GPD2: variants seen among roughly 807,000 people sequenced by gnomAD.
The protein encoded by GPD2 is glycerol-3-phosphate dehydrogenase, mitochondrial.
Under a neutral mutation model 82.4 loss-of-function variants are expected in GPD2, and 54 were observed. The observed-to-expected ratio is 0.66, with a 90% CI of 0.53 to 0.82. GPD2 has a LOEUF of 0.82. Among genes scored for constraint, GPD2 ranks in the 40% least tolerant of loss-of-function variants. The pLI is 0.00. For synonymous variants in GPD2, 288 were observed against 306.1 expected, an observed-to-expected ratio of 0.94 and a Z score of 0.62; for missense variants, 748 against 896.2, an observed-to-expected ratio of 0.83 and a Z score of 2.11.
At chr2:156,566,949 C>T (rs1251929292) in intron 9 of GPD2, among the ~76,000 whole-genome samples, 3 of 152,032 alleles carry the variant, frequency 2.0e-5, no homozygotes, top group Non-Finnish European at 2.9e-5. Flanking sequence ...TTTTCATTTG[C>T]ATTTCCCGAA....
At chr2:156,528,234 CAT>C (rs1445477893) in intron 6 of GPD2, among the ~76,000 whole-genome samples, 2 of 151,866 alleles carry the variant, frequency 1.3e-5, no homozygotes, top group Non-Finnish European at 2.9e-5. Context: ...CGGATTGAAA[CAT>C]GTCTATTATA....
intron 1 of GPD2, among the ~76,000 whole-genome samples, chr2:156,467,263 A>G (rs1471930036): frequency 6.6e-6 from 1 of 152,122 alleles, no homozygotes; most frequent in African/African-American, 2.4e-5. Context: ...TGGCCTTTTG[A>G]TAGGGTGTGG....
chr2:156,535,416 C>T (rs1453819440), intron 6 of GPD2, among the ~76,000 whole-genome samples: 1 of 76,670 alleles, frequency 1.3e-5, no homozygotes, highest in Admixed American at 2.2e-4. Flanking sequence ...AGAGAGAGAC[C>T]TAGGAAAGAG....
chr2:156,411,151 G>A, the GPD2 span, among the ~76,000 whole-genome samples: 218 of 152,232 alleles, frequency 1.4e-3, no homozygotes, highest in Non-Finnish European at 2.6e-3. Flanking sequence ...AAAAAACAAG[G>A]GGGTAAGTAG....
chr2:156,498,775 G>C (rs1684480196), intron 3 of GPD2, among the ~76,000 whole-genome samples: 3 of 152,056 alleles, frequency 2.0e-5, no homozygotes, highest in African/African-American at 7.2e-5. Flanking sequence ...TTGATGGTGT[G>C]GTAGGATATA....
intron 1 of GPD2, among the ~76,000 whole-genome samples, chr2:156,466,685 T>C (rs1683159700): frequency 1.3e-5 from 2 of 152,198 alleles, no homozygotes; most frequent in Admixed American, 6.5e-5. Context: ...AATGCTCGAT[T>C]AACAGTTATG....
chr2:156,522,321 A>G (rs1685439742), intron 6 of GPD2, among the ~76,000 whole-genome samples: 1 of 152,214 alleles, frequency 6.6e-6, no homozygotes, highest in Non-Finnish European at 1.5e-5. Flanking sequence ...CCGAGATAGT[A>G]GTCATCCATA....
At chr2:156,416,482 G>C in the GPD2 span, among the ~76,000 whole-genome samples, 2 of 149,340 alleles carry the variant, frequency 1.3e-5, no homozygotes, top group African/African-American at 5.0e-5. Flanking sequence ...TGAGAAGCTA[G>C]GACTACAGGC....
chr2:156,431,866 G>A (rs1425669827), upstream of GPD2, among the ~76,000 whole-genome samples: 2 of 147,810 alleles, frequency 1.4e-5, no homozygotes, highest in African/African-American at 5.0e-5. Context: ...TTTTATACGT[G>A]TCTGCGTGTC....
At chr2:156,415,786 T>C in the GPD2 span, among the ~76,000 whole-genome samples, 1 of 151,832 alleles carries the variant, frequency 6.6e-6, no homozygotes, top group Non-Finnish European at 1.5e-5. Flanking sequence ...ACTCAGGAGA[T>C]GGAAGTTGCG....
At chr2:156,406,580 C>G in the GPD2 span, among the ~76,000 whole-genome samples, 1 of 152,120 alleles carries the variant, frequency 6.6e-6, no homozygotes, top group Non-Finnish European at 1.5e-5. Context: ...CTACTTCTCT[C>G]TCTCCCTCCT....
intron 6 of GPD2, 121 bp downstream of exon 6, chr2:156,513,617 A>G: frequency 1.3e-6 from 1 of 766,240 alleles, no homozygotes; most frequent in Non-Finnish European, 2.2e-6. Flanking sequence ...CAACACACAA[A>G]CACACGTGCA....
chr2:156,439,162 G>T (rs759061019), intron 1 of GPD2, among the ~76,000 whole-genome samples: 1 of 152,204 alleles, frequency 6.6e-6, no homozygotes, highest in Non-Finnish European at 1.5e-5. Context: ...GAAATCTTCA[G>T]TAAAATTCTG....
the GPD2 span, among the ~76,000 whole-genome samples, chr2:156,400,717 C>T: frequency 6.6e-6 from 1 of 152,228 alleles, no homozygotes; most frequent in Non-Finnish European, 1.5e-5. Context: ...AGTAATTTGA[C>T]TAGAGCTAGC....
intron 12 of GPD2, among the ~76,000 whole-genome samples, chr2:156,570,852 G>C (rs1687587013): frequency 6.6e-6 from 1 of 152,138 alleles, no homozygotes; most frequent in African/African-American, 2.4e-5. Flanking sequence ...GACTGTGGAT[G>C]GTTAATGAGA....
At chr2:156,576,228 A>G (rs1558970612) in intron 13 of GPD2, among the ~76,000 whole-genome samples, 1 of 152,192 alleles carries the variant, frequency 6.6e-6, no homozygotes, top group South Asian at 2.1e-4. Flanking sequence ...TAGAAATCAT[A>G]TATCTAGATT....
intron 6 of GPD2, among the ~76,000 whole-genome samples, chr2:156,532,170 AT>A (rs1207031192): frequency 6.6e-6 from 1 of 151,982 alleles, no homozygotes; most frequent in Admixed American, 6.6e-5. Flanking sequence ...GCTAGTTTTT[AT>A]TTTTAAAAAA....
In GPD2 at chr2:156,486,679, C is replaced by T. The variant is rs529449353; in HGVS notation, c.103-9365C>T. 1.1e-4 allele frequency among the ~76,000 whole-genome samples: 17 copies of T among 152,202 alleles called. No individual in the cohort carries two copies. The South Asian group carries it at 3.1e-3, about 28-fold the overall frequency. On this transcript the variant is annotated intron_variant, in intron 2 of 16. Coordinates refer to ENST00000438166, the MANE Select transcript of GPD2 (RefSeq NM_000408.5). The stretch of plus-strand genomic sequence containing the variant: ...ATAGATGATTTAAATAGAAGTTAGG[C>T]GATTCCAATTTTGCTTTATTTGTTT...
chr2:156,504,290 T>C lies in GPD2; in HGVS notation c.275-6506T>C, dbSNP rs374577089. On this transcript the variant is annotated intron_variant, in intron 3 of 16. Coordinates refer to ENST00000438166, the MANE Select transcript of GPD2 (RefSeq NM_000408.5). The stretch of plus-strand genomic sequence containing the variant: ...AGAGGAATTGATCCTTCCCATAAAA[T>C]GTTCAGCCTTCGGGTTAGTCCCTTT... 2.0e-5 allele frequency among the ~76,000 whole-genome samples: 3 copies of C among 152,140 alleles called. No homozygotes were observed. In the East Asian group the frequency reaches 5.8e-4, roughly 29 times the overall value.
Sources: allele counts gnomAD v4.1 joint callset (sites outside exome capture counted in the v4.1 genomes callset), GRCh38; gene constraint gnomAD v4.1.1; transcripts MANE v1.5; gene names NCBI Gene and HGNC (gene_info 2026-07-23, HGNC 2026-07-21).